Variants in CARS2 observed in about 807,000 individuals in gnomAD.
CARS2 encodes probable cysteine--tRNA ligase, mitochondrial.
In CARS2, 52 loss-of-function variants were observed where a neutral mutation model predicts 68.8. The ratio of observed to expected loss-of-function variants is 0.76; its 90% CI spans 0.61 to 0.95. The LOEUF (loss-of-function observed/expected upper bound fraction) is 0.95. Among genes scored for constraint, CARS2 ranks in the 40% least tolerant of loss-of-function variants. The probability of loss-of-function intolerance (pLI) is 0.00; values close to 1 mark genes in which losing one functional copy is unlikely to be tolerated. For synonymous variants in CARS2, 314 were observed against 303.6 expected, an observed-to-expected ratio of 1.03 and a Z score of -0.36; for missense variants, 780 against 754.2, an observed-to-expected ratio of 1.03 and a Z score of -0.40.
At chr13:110,643,151 G>A (rs914203230) in intron 13 of CARS2, 1 of 209,914 alleles carries the variant, frequency 4.8e-6, no homozygotes, top group Non-Finnish European at 9.9e-6. Flanking sequence ...ATAAAAGACA[G>A]TTTTTGTTAT....
intron 10 of CARS2, among the ~76,000 whole-genome samples, chr13:110,650,000 C>T (rs1000819614): frequency 7.1e-6 from 1 of 140,780 alleles, no homozygotes; most frequent in African/African-American, 2.7e-5. Flanking sequence ...TGCAGTGGTG[C>T]GATCTCAGCT....
intron 8 of CARS2, 135 bp from the exon 9 acceptor site, chr13:110,663,653 C>A (rs2062570562): frequency 4.9e-6 from 7 of 1,425,052 alleles, no homozygotes; most frequent in Non-Finnish European, 6.4e-6. Flanking sequence ...TGGTATAAAT[C>A]TGCCCCCAAA....
chr13:110,708,822 C>T (rs1227870966), upstream of CARS2, among the ~76,000 whole-genome samples: 1 of 24,320 alleles, frequency 4.1e-5, no homozygotes. Context: ...GGCACGATCT[C>T]GGCTCACTGC....
intron 9 of CARS2, among the ~76,000 whole-genome samples, chr13:110,654,028 C>T (rs536693159): frequency 2.6e-5 from 4 of 152,282 alleles, no homozygotes; most frequent in Admixed American, 6.5e-5. Context: ...GAGCCCAGGC[C>T]GGAGGACCGG....
At chr13:110,713,019 C>G (rs1293144632) in intron 1 of CARS2, 1 of 1,514,352 alleles carries the variant, frequency 6.6e-7, no homozygotes, top group South Asian at 1.2e-5. Flanking sequence ...TCAAAGGACA[C>G]CGAGAGGGTG....
At chr13:110,645,828 C>T (rs150228462) in intron 12 of CARS2, 139 bp downstream of exon 12, 22 of 1,151,320 alleles carry the variant, frequency 1.9e-5, no homozygotes, top group Non-Finnish European at 2.6e-5. Flanking sequence ...CAGACTCGGG[C>T]TCCATGAGTT....
At chr13:110,689,864 A>G (rs1388081784) in intron 3 of CARS2, among the ~76,000 whole-genome samples, 2 of 152,166 alleles carry the variant, frequency 1.3e-5, no homozygotes, top group Non-Finnish European at 2.9e-5. Flanking sequence ...AAAAAACCCA[A>G]AAGTACTGTG....
intron 7 of CARS2, among the ~76,000 whole-genome samples, chr13:110,674,777 CA>C (rs1428936765): frequency 6.6e-6 from 1 of 152,200 alleles, no homozygotes; most frequent in African/African-American, 2.4e-5. Context: ...AGGCAACCTA[CA>C]GAATGGGAGA....
At chr13:110,708,197 A>G (rs1293777500), upstream of CARS2, among the ~76,000 whole-genome samples, 1 of 152,202 alleles carries the variant, frequency 6.6e-6, no homozygotes, top group African/African-American at 2.4e-5. Flanking sequence ...ATTTAGAAGA[A>G]ATAAAAGGGC....
At chr13:110,689,150 T>A (rs565949334) in intron 3 of CARS2, among the ~76,000 whole-genome samples, 3 of 152,374 alleles carry the variant, frequency 2.0e-5, no homozygotes, top group South Asian at 4.1e-4. Flanking sequence ...GGTTCGCTCA[T>A]GTTATTTCAT....
At position 110,641,534 on chromosome 13, in the gene CARS2, T is replaced by A. The variant is rs773189997; in HGVS notation, c.*3A>T. 4 of 1,611,364 alleles carry A rather than the reference T, an allele frequency of 2.5e-6. No individual in the cohort carries two copies. In the Admixed American group the frequency reaches 6.7e-5, roughly 27 times the overall value. On this transcript the variant is annotated 3_prime_UTR_variant, in exon 15 of 15. Transcript: ENST00000257347. Reference sequence around the variant, plus strand: ...TGAGCAGGTTCATGGCTGTGCTCCATCCTCAGCCCGCTGATTTTTGGTCTT... The same window carrying A: ...TGAGCAGGTTCATGGCTGTGCTCCAACCTCAGCCCGCTGATTTTTGGTCTT...
chr13:110,685,545 T>C (rs941020935), intron 5 of CARS2, among the ~76,000 whole-genome samples: 2 of 152,222 alleles, frequency 1.3e-5, no homozygotes, highest in African/African-American at 2.4e-5. Flanking sequence ...GGCTGGATAC[T>C]TTAAGGCGTC....
chr13:110,692,338 GCA>G (rs2063495331), intron 3 of CARS2, among the ~76,000 whole-genome samples: 1 of 151,762 alleles, frequency 6.6e-6, no homozygotes, highest in African/African-American at 2.4e-5. Context: ...GGGCGTGGTG[GCA>G]CATGTCTGTA....
At chr13:110,646,720 G>A (rs1372942645) in intron 11 of CARS2, 1 of 192,258 alleles carries the variant, frequency 5.2e-6, no homozygotes, top group Non-Finnish European at 1.1e-5. Context: ...CGAGCCCAAA[G>A]CCACTCTGAG....
At chr13:110,704,268 GT>G (rs974140804) in intron 2 of CARS2, among the ~76,000 whole-genome samples, 5 of 152,118 alleles carry the variant, frequency 3.3e-5, no homozygotes, top group Non-Finnish European at 7.4e-5. Context: ...TAACAGAACT[GT>G]TTTCTTTCTC....
At chr13:110,685,302 T>A (rs2063268113) in intron 5 of CARS2, among the ~76,000 whole-genome samples, 1 of 151,226 alleles carries the variant, frequency 6.6e-6, no homozygotes, top group Non-Finnish European at 1.5e-5. Context: ...AGAGCAAGAC[T>A]CTGTCTCAAA....
In CARS2 at chr13:110,676,248, C is replaced by A. The variant is rs1014640290; in HGVS notation, c.785+726G>T. Among the ~76,000 whole-genome samples, 2 of 152,244 alleles carry A rather than the reference C, an allele frequency of 1.3e-5. No homozygotes were observed. The highest frequency in any genetic ancestry group is 6.5e-5 in the Admixed American group (1 of 15,290). On this transcript the variant is annotated intron_variant, in intron 7 of 14. Coordinates refer to ENST00000257347, the MANE Select transcript of CARS2 (RefSeq NM_024537.4). The surrounding 1 kb of genome is among the most constrained non-coding windows in gnomAD (Gnocchi z 4.0). The stretch of plus-strand genomic sequence containing the variant: ...CGGGCGGTATGCTGTCTTTCACACA[C>A]CCCACCCAAGGTGCCCCTGGCTGTG...
intron 5 of CARS2, among the ~76,000 whole-genome samples, chr13:110,686,443 C>T (rs2063307027): frequency 6.6e-6 from 1 of 151,986 alleles, no homozygotes; most frequent in African/African-American, 2.4e-5. Flanking sequence ...GAAGGGGTCT[C>T]TCCATGTTGC....
chr13:110,676,388 G>A lies in CARS2; in HGVS notation c.785+586C>T, dbSNP rs545657802. ...ACAGAGAGGGTGTTTCCAGAGTAGG[G>A]GATGCCGCAGTGGGCCAGGAGAGCA... On this transcript the variant is annotated intron_variant, in intron 7 of 14. Transcript: ENST00000257347. The surrounding 1 kb of genome is among the most constrained non-coding windows in gnomAD (Gnocchi z 4.0). 6.6e-6 allele frequency among the ~76,000 whole-genome samples: 1 copy of A among 152,194 alleles called. No homozygotes were observed. The highest frequency in any genetic ancestry group is 2.1e-4 in the South Asian group (1 of 4,832).
Sources: gnomAD v4.1 joint callset for allele counts (sites outside exome capture counted in the v4.1 genomes callset) on GRCh38, gnomAD v4.1.1 for gene constraint, Gnocchi (gnomAD v3.1) non-coding constraint, MANE v1.5 for transcripts, NCBI Gene and HGNC (gene_info 2026-07-23, HGNC 2026-07-21) for gene names.